Variants in HEATR5A observed in about 807,000 individuals in gnomAD.
HEATR5A encodes the protein HEAT repeat-containing protein 5A.
HEATR5A carries 178 observed loss-of-function variants against 218.8 expected under a neutral mutation model. The ratio of observed to expected loss-of-function variants is 0.81; its 90% CI spans 0.72 to 0.92. HEATR5A has a LOEUF of 0.92. HEATR5A is among the 40% of genes least tolerant of loss of function. HEATR5A has a pLI of 0.00. For missense variants in HEATR5A, 2,420 were observed against 2,418.9 expected, an observed-to-expected ratio of 1.00 and a Z score of -0.01; for synonymous variants, 864 against 871.6, an observed-to-expected ratio of 0.99 and a Z score of 0.15.
intron 13 of HEATR5A, among the ~76,000 whole-genome samples, chr14:31,366,548 G>T (rs1200616087): frequency 6.6e-6 from 1 of 152,118 alleles, no homozygotes; most frequent in Non-Finnish European, 1.5e-5. Context: ...ATTTAGAAAA[G>T]CATTTTTATT....
intron 12 of HEATR5A, among the ~76,000 whole-genome samples, chr14:31,373,082 T>A (rs967803821): frequency 6.6e-6 from 1 of 152,000 alleles, no homozygotes; most frequent in African/African-American, 2.4e-5. Flanking sequence ...CCACCATGTC[T>A]GGCTAATTTT....
At position 31,366,230 on chromosome 14, in the gene HEATR5A, C is replaced by A. The variant is rs1013743501; in HGVS notation, c.1962-1932G>T. Among the ~76,000 whole-genome samples, 4 of 152,130 alleles carry A rather than the reference C, an allele frequency of 2.6e-5. No individual in the cohort carries two copies. In the East Asian group the frequency reaches 7.7e-4, roughly 29 times the overall value. Reference sequence around the variant, plus strand: ...TTGAGGATATGGTGAGCTATGACTGCGCCACTGCACTCAATCCCGGGCGAC... The same window carrying A: ...TTGAGGATATGGTGAGCTATGACTGAGCCACTGCACTCAATCCCGGGCGAC... On this transcript the variant is annotated intron_variant, in intron 13 of 35. Coordinates refer to ENST00000543095, the MANE Select transcript of HEATR5A (RefSeq NM_015473.4).
chr14:31,365,205 A>C (rs375395647), intron 13 of HEATR5A, among the ~76,000 whole-genome samples: 1 of 152,004 alleles, frequency 6.6e-6, no homozygotes, highest in Admixed American at 6.6e-5. Flanking sequence ...TATATTATCA[A>C]CTAGAGTATG....
rs1276278826 is a variant in HEATR5A at position 31,314,393 on chromosome 14, A to G, written c.4219-1203T>C. ...TCAGCCTTCCGAGTAGCTGGGATTT[A>G]CAGGCATATGCCACCACGCCTGGCT... On this transcript the variant is annotated intron_variant, in intron 27 of 35. Coordinates refer to ENST00000543095, the MANE Select transcript of HEATR5A (RefSeq NM_015473.4). Among the ~76,000 whole-genome samples the G allele has an allele frequency of 2.0e-5, 3 of 151,768 alleles. No homozygotes were observed. In the East Asian group the frequency reaches 5.8e-4, roughly 29 times the overall value.
chr14:31,360,604 T>C (rs1901585559), intron 14 of HEATR5A, among the ~76,000 whole-genome samples: 1 of 152,234 alleles, frequency 6.6e-6, no homozygotes, highest in Non-Finnish European at 1.5e-5. Context: ...AGAGCTTAAA[T>C]GGCTTTTGCC....
At chr14:31,344,545 A>C (rs1900961061) in intron 20 of HEATR5A, among the ~76,000 whole-genome samples, 1 of 151,074 alleles carries the variant, frequency 6.6e-6, no homozygotes, top group Non-Finnish European at 1.5e-5. Context: ...AGCTTCCCAA[A>C]GTGCTAGGAT....
intron 25 of HEATR5A, chr14:31,320,241 T>C: frequency 1.5e-6 from 1 of 679,170 alleles, no homozygotes; most frequent in Non-Finnish European, 2.8e-6. Flanking sequence ...GCGAACAGGA[T>C]GAAGAAGGAG....
chr14:31,392,668 C>T (rs185947945), intron 6 of HEATR5A, among the ~76,000 whole-genome samples: 28 of 152,308 alleles, frequency 1.8e-4, no homozygotes, highest in South Asian at 1.2e-3. Context: ...ATCTCTATTT[C>T]GATGTCTAGT....
At position 31,313,058 on chromosome 14, in the gene HEATR5A, C is replaced by T. The variant is rs1194502935; in HGVS notation, c.4351G>A (p.Gly1451Ser). 1 of 1,613,770 alleles carries T rather than the reference C, an allele frequency of 6.2e-7. No homozygotes were observed. The highest frequency in any genetic ancestry group is 1.3e-5 in the African/African-American group (1 of 74,882). The part of the protein sequence containing the change: ...GLLDLVYADL[G>S]TLSRLWLAAL... ...GCAAGCCAGAGTCTGCTTAGTGTGC[C>T]AAGATCTGCATAGACTAAGTCAAGC... The change falls in exon 28 of 36, where the codon GGC becomes AGC. Residue 1451 changes from glycine (G) to serine (S), a missense_variant. Physicochemically the swap from Gly to Ser is moderately conservative, Grantham distance 56 (BLOSUM62 0). Coordinates refer to ENST00000543095, the MANE Select transcript of HEATR5A (RefSeq NM_015473.4).
chr14:31,351,926 T>C (rs1340700166), intron 16 of HEATR5A, among the ~76,000 whole-genome samples: 1 of 152,158 alleles, frequency 6.6e-6, no homozygotes, highest in Admixed American at 6.5e-5. Context: ...TTTTTCTTCT[T>C]TTATAATGTT....
intron 1 of HEATR5A, among the ~76,000 whole-genome samples, chr14:31,407,600 A>ATTTATATATATT (rs1243092746): frequency 4.7e-3 from 4 of 852 alleles, no homozygotes; most frequent in African/African-American, 0.01. Flanking sequence ...ATATATATAT[A>ATTTATATATATT]TATATATATA....
intron 22 of HEATR5A, among the ~76,000 whole-genome samples, chr14:31,327,482 C>T (rs1037492338): frequency 1.7e-4 from 25 of 150,446 alleles, no homozygotes; most frequent in Admixed American, 1.1e-3. Context: ...TTAGTAGAGA[C>T]GGGTTTCAAC....
At chr14:31,312,046 TAA>T (rs1435574784) in intron 28 of HEATR5A, among the ~76,000 whole-genome samples, 3 of 152,068 alleles carry the variant, frequency 2.0e-5, no homozygotes, top group Non-Finnish European at 4.4e-5. Flanking sequence ...TGGGTACAGG[TAA>T]CCAAAGGAAC....
chr14:31,321,443 C>T, intron 25 of HEATR5A, 56 bp downstream of exon 25: 1 of 1,394,702 alleles, frequency 7.2e-7, no homozygotes, highest in Non-Finnish European at 9.7e-7. Context: ...TGCCTGGCCT[C>T]ATAGACTTTT....
At chr14:31,402,142 C>T (rs2030901165) in intron 2 of HEATR5A, among the ~76,000 whole-genome samples, 2 of 152,086 alleles carry the variant, frequency 1.3e-5, no homozygotes, top group South Asian at 2.1e-4. Flanking sequence ...TTTTGGAATG[C>T]TACTATTTTA....
intron 9 of HEATR5A, among the ~76,000 whole-genome samples, chr14:31,384,743 T>TA (rs2030141777): frequency 6.6e-6 from 1 of 152,096 alleles, no homozygotes; most frequent in Non-Finnish European, 1.5e-5. Flanking sequence ...GCCAGGTTGG[T>TA]CTTGAACTCC....
rs1179858801 is a variant in HEATR5A, at chr14:31,358,515, C to T, written c.2411+122G>A. The T allele has an allele frequency of 5.6e-6, 5 of 896,760 alleles. No individual in the cohort carries two copies. The Admixed American group carries it at 1.2e-4, about 22-fold the overall frequency. 55.6% of individuals were successfully genotyped at this position (896,760 alleles called of 1,614,324 possible). ...AGCCAAGTGAATAATTAAACAAAAACTTATATTTCACCTTCACCTGTTATT... is the reference window on the plus strand; with the variant it reads ...AGCCAAGTGAATAATTAAACAAAAATTTATATTTCACCTTCACCTGTTATT... On this transcript the variant is annotated intron_variant, in intron 16 of 35. Transcript: ENST00000543095.
At chr14:31,407,242 G>A (rs1181221560) in intron 1 of HEATR5A, among the ~76,000 whole-genome samples, 1 of 152,062 alleles carries the variant, frequency 6.6e-6, no homozygotes, top group Non-Finnish European at 1.5e-5. Context: ...AGCAAGCCGT[G>A]ATCAAAAAAC....
At chr14:31,295,832 AC>A (rs1174053293) in intron 34 of HEATR5A, 76 bp downstream of exon 34, 3 of 1,230,980 alleles carry the variant, frequency 2.4e-6, no homozygotes, top group Non-Finnish European at 3.5e-6. Context: ...ATTGGAGCCA[AC>A]AAAATCACAC....
Sources: allele counts gnomAD v4.1 joint callset (sites outside exome capture counted in the v4.1 genomes callset), GRCh38; gene constraint gnomAD v4.1.1; transcripts MANE v1.5; gene names NCBI Gene and HGNC (gene_info 2026-07-23, HGNC 2026-07-21).